Variants in CCSER1 observed in about 807,000 individuals in gnomAD.
CCSER1 encodes coiled-coil serine rich protein 1.
CCSER1 carries 41 observed loss-of-function variants against 82.0 expected under a neutral mutation model. The ratio of observed to expected loss-of-function variants is 0.50; its 90% CI spans 0.39 to 0.65. The LOEUF (loss-of-function observed/expected upper bound fraction) is 0.65. CCSER1 is among the 30% of genes least tolerant of loss of function. The pLI is 0.00. For synonymous variants in CCSER1, 414 were observed against 383.9 expected (o/e 1.08, Z -0.92); for missense variants, 1,119 against 1,064.2 (o/e 1.05, Z -0.72).
chr4:90,866,828 G>A (rs986507758), intron 8 of CCSER1, among the ~76,000 whole-genome samples: 2 of 151,950 alleles, frequency 1.3e-5, no homozygotes, highest in Admixed American at 1.3e-4. Flanking sequence ...AGATCATCAG[G>A]CATTAGATTC....
chr4:90,531,975 G>C (rs1202643663), intron 5 of CCSER1, among the ~76,000 whole-genome samples: 2 of 151,918 alleles, frequency 1.3e-5, no homozygotes, highest in African/African-American at 4.8e-5. Flanking sequence ...GTAACATAAA[G>C]CTAAATTCTT....
rs1009467507 is a variant in CCSER1 at position 91,137,092 on chromosome 4, T to C, written c.2217+51098T>C. On this transcript the variant is annotated intron_variant, in intron 10 of 10. Transcript: ENST00000509176. The stretch of plus-strand genomic sequence containing the variant: ...TAGTTACATATGTATACATGGGCCA[T>C]GCTGGTGCGCTGCACCCACTAACTC... Among the ~76,000 whole-genome samples, 2 of 148,296 alleles carry C rather than the reference T, an allele frequency of 1.3e-5. 1 individual carries two copies. Among genetic ancestry groups the C allele is most frequent in the Middle Eastern group, 6.9e-3 (2 of 290 alleles).
intron 10 of CCSER1, among the ~76,000 whole-genome samples, chr4:91,591,473 T>G (rs1764269514): frequency 1.3e-5 from 2 of 152,082 alleles, no homozygotes; most frequent in African/African-American, 4.8e-5. Context: ...AGCTTATACA[T>G]TCATCATTTA....
At chr4:90,307,063 G>C (rs1189671633) in intron 1 of CCSER1, among the ~76,000 whole-genome samples, 1 of 152,076 alleles carries the variant, frequency 6.6e-6, no homozygotes, top group African/African-American at 2.4e-5. Context: ...TGCTTTACCA[G>C]GTGTTGGCTG....
intron 1 of CCSER1, among the ~76,000 whole-genome samples, chr4:90,134,467 A>C (rs1723321906): frequency 1.3e-5 from 2 of 152,346 alleles, no homozygotes; most frequent in South Asian, 2.1e-4. Context: ...GTGCACTCTC[A>C]GTGCCATTCA....
intron 10 of CCSER1, among the ~76,000 whole-genome samples, chr4:91,515,673 T>C (rs1260572982): frequency 2.6e-5 from 4 of 152,088 alleles, no homozygotes; most frequent in Admixed American, 6.6e-5. Context: ...TATACACACA[T>C]GTGTCTTTTT....
intron 5 of CCSER1, among the ~76,000 whole-genome samples, chr4:90,590,886 G>C (rs1782609133): frequency 6.6e-6 from 1 of 152,104 alleles, no homozygotes; most frequent in South Asian, 2.1e-4. Flanking sequence ...AATTACTTTG[G>C]GCAGTATGGC....
chr4:90,169,561 A>G (rs1003610227), intron 1 of CCSER1, among the ~76,000 whole-genome samples: 1 of 151,908 alleles, frequency 6.6e-6, no homozygotes, highest in Non-Finnish European at 1.5e-5. Context: ...GACCATTTGA[A>G]ATGAGATATG....
intron 10 of CCSER1, among the ~76,000 whole-genome samples, chr4:91,482,439 A>G (rs1385824099): frequency 5.4e-5 from 8 of 147,384 alleles, no homozygotes; most frequent in Admixed American, 4.1e-4. Flanking sequence ...AAAAGTCAGG[A>G]AACAACAGGT....
intron 1 of CCSER1, among the ~76,000 whole-genome samples, chr4:90,210,330 G>A (rs1194247473): frequency 1.3e-5 from 2 of 151,978 alleles, no homozygotes; most frequent in East Asian, 3.9e-4. Context: ...ACATATATAT[G>A]TTTTGTCTTA....
At chr4:90,271,848 ATATATATATATATATTTT>A (rs1322881548) in intron 1 of CCSER1, among the ~76,000 whole-genome samples, 3 of 23,352 alleles carry the variant, frequency 1.3e-4, no homozygotes, top group Non-Finnish European at 2.0e-4. Flanking sequence ...ATATATATAT[ATATATATATATATATTTT>A]TTTTTTTTTT....
intron 8 of CCSER1, among the ~76,000 whole-genome samples, chr4:90,878,692 C>A (rs1720740929): frequency 6.6e-6 from 1 of 152,178 alleles, no homozygotes; most frequent in South Asian, 2.1e-4. Context: ...AGATATTAAT[C>A]TTTCCTCAAT....
rs140800015 is a variant in CCSER1, at chr4:91,542,595, C to T, written c.2218-55977C>T. 4.0e-3 allele frequency among the ~76,000 whole-genome samples: 611 copies of T among 152,190 alleles called. 10 individuals carry two copies. Among genetic ancestry groups the T allele is most frequent in the Middle Eastern group, 0.02 (6 of 294 alleles). ...ATTTAAGAGCAGGTTGTTCAGTTTC[C>T]GTATAGTTGAGTGGTTTTGAGTGAG... is the stretch of plus-strand genomic sequence containing the variant. On this transcript the variant is annotated intron_variant, in intron 10 of 10. Transcript: ENST00000509176.
intron 10 of CCSER1, among the ~76,000 whole-genome samples, chr4:91,539,002 A>C (rs1016589754): frequency 5.3e-5 from 8 of 151,994 alleles, no homozygotes; most frequent in African/African-American, 1.9e-4. Context: ...ATGACAGCAG[A>C]TCAATTTTCT....
intron 9 of CCSER1, among the ~76,000 whole-genome samples, chr4:91,080,553 AAATAACT>A (rs1254595139): frequency 9.2e-5 from 14 of 152,210 alleles, no homozygotes; most frequent in African/African-American, 3.4e-4. Flanking sequence ...AGAAGGCAAG[AAATAACT>A]AAGATCAGAG....
chr4:91,194,291 T>C (rs1296683187), intron 10 of CCSER1, among the ~76,000 whole-genome samples: 1 of 152,182 alleles, frequency 6.6e-6, no homozygotes, highest in Non-Finnish European at 1.5e-5. Context: ...TGACTCTAAA[T>C]CAATTTATAC....
At chr4:90,926,869 A>T (rs1729130474) in intron 9 of CCSER1, among the ~76,000 whole-genome samples, 1 of 152,058 alleles carries the variant, frequency 6.6e-6, no homozygotes, top group African/African-American at 2.4e-5. Context: ...ACAGGATAGA[A>T]GATGAATAGA....
intron 10 of CCSER1, among the ~76,000 whole-genome samples, chr4:91,313,524 C>T (rs561461413): frequency 3.9e-5 from 6 of 152,050 alleles, no homozygotes; most frequent in East Asian, 1.9e-4. Flanking sequence ...ACATCTTTCT[C>T]GGTTGATGCC....
intron 4 of CCSER1, among the ~76,000 whole-genome samples, chr4:90,434,990 T>C (rs924329351): frequency 1.3e-5 from 2 of 152,148 alleles, no homozygotes; most frequent in Non-Finnish European, 2.9e-5. Context: ...TCCAGCCATG[T>C]CAGGATCATG....
Sources: allele counts gnomAD v4.1 joint callset (sites outside exome capture counted in the v4.1 genomes callset), GRCh38; gene constraint gnomAD v4.1.1; transcripts MANE v1.5; gene names NCBI Gene and HGNC (gene_info 2026-07-23, HGNC 2026-07-21).